The following SPAG17 variants were observed in gnomAD, a reference collection of about 807,000 sequenced individuals.
The protein encoded by SPAG17 is sperm-associated antigen 17.
SPAG17 carries 169 observed loss-of-function variants against 273.6 expected under a neutral mutation model. The ratio of observed to expected loss-of-function variants is 0.62; its 90% CI spans 0.55 to 0.70. SPAG17 has a LOEUF of 0.70. Ranked by LOEUF, SPAG17 falls within the 30% of genes least tolerant of loss-of-function variation. The probability of loss-of-function intolerance (pLI) is 0.00; values close to 1 mark genes in which losing one functional copy is unlikely to be tolerated. For synonymous variants in SPAG17, 825 were observed against 873.2 expected (o/e 0.94, Z 0.97); for missense variants, 2,557 against 2,627.8 (o/e 0.97, Z 0.59).
At chr1:118,160,624 C>A (rs1292758276) in intron 1 of SPAG17, among the ~76,000 whole-genome samples, 1 of 152,200 alleles carries the variant, frequency 6.6e-6, no homozygotes, top group Non-Finnish European at 1.5e-5. Flanking sequence ...TGGGGCATAT[C>A]CAGGGCTACT....
At chr1:118,087,284 T>C (rs1655069530) in intron 10 of SPAG17, 2 of 270,538 alleles carry the variant, frequency 7.4e-6, no homozygotes, top group East Asian at 1.4e-4. Context: ...AAATATTTCA[T>C]GAAGATTCTA....
intron 3 of SPAG17, among the ~76,000 whole-genome samples, chr1:118,138,913 C>A (rs1262126245): frequency 6.6e-6 from 1 of 152,046 alleles, no homozygotes; most frequent in Non-Finnish European, 1.5e-5. Context: ...TTCTTAGATA[C>A]CCCTCAGACA....
At chr1:118,089,981 C>G (rs531316312) in intron 10 of SPAG17, among the ~76,000 whole-genome samples, 1 of 152,150 alleles carries the variant, frequency 6.6e-6, no homozygotes, top group Non-Finnish European at 1.5e-5. Context: ...GCTTTCCCTT[C>G]TACTATGACT....
At chr1:118,097,071 C>T (rs955907657) in intron 7 of SPAG17, among the ~76,000 whole-genome samples, 1 of 151,968 alleles carries the variant, frequency 6.6e-6, no homozygotes, top group African/African-American at 2.4e-5. Context: ...CCCATCTCTA[C>T]TAAAAATACA....
chr1:118,180,705 A>G (rs551540455), intron 1 of SPAG17, among the ~76,000 whole-genome samples: 7 of 152,174 alleles, frequency 4.6e-5, no homozygotes, highest in Middle Eastern at 3.4e-3. Flanking sequence ...ATGTACCTCT[A>G]AAATGTGTAC....
At chr1:117,997,131 T>C (rs1254473146) in intron 32 of SPAG17, among the ~76,000 whole-genome samples, 2 of 152,136 alleles carry the variant, frequency 1.3e-5, no homozygotes, top group African/African-American at 4.8e-5. Flanking sequence ...GGGCTTATAA[T>C]CTGGGATGTC....
At chr1:117,963,728 AAG>A in intron 48 of SPAG17, 69 bp downstream of exon 48, 1 of 1,409,086 alleles carries the variant, frequency 7.1e-7, no homozygotes, top group Non-Finnish European at 9.7e-7. Flanking sequence ...AGAAGAGGGG[AAG>A]AAACCTGGGG....
chr1:117,988,228 T>G (rs776825651), intron 38 of SPAG17, 24 bp from the exon 39 acceptor site: 15 of 1,538,520 alleles, frequency 9.7e-6, no homozygotes, highest in Non-Finnish European at 8.8e-6. Flanking sequence ...TGTATTTAAC[T>G]TTTATCCCCA....
chr1:117,998,540 CTT>C (rs77739889), intron 32 of SPAG17, among the ~76,000 whole-genome samples: 1 of 151,850 alleles, frequency 6.6e-6, no homozygotes, highest in Non-Finnish European at 1.5e-5. Context: ...TATTTGGGCT[CTT>C]TTTTTGGTTC....
chr1:118,102,952 G>A (rs535892061), intron 4 of SPAG17, among the ~76,000 whole-genome samples: 38 of 152,312 alleles, frequency 2.5e-4, no homozygotes, highest in African/African-American at 8.7e-4. Flanking sequence ...TATGGCTCTA[G>A]TGGTGATGAA....
Position 117,981,318 on chromosome 1 carries a change from C to A in SPAG17, c.5956G>T (p.Asp1986Tyr). The A allele has an allele frequency of 1.2e-6, 2 of 1,600,870 alleles. No individual in the cohort carries two copies. The highest frequency in any genetic ancestry group is 1.8e-5 in the Admixed American group (1 of 55,436). The change falls in exon 43 of 49, where the codon GAT becomes TAT. Residue 1986 changes from aspartate to tyrosine, a missense_variant. Asp to Tyr is a radical substitution (Grantham distance 160). Coordinates refer to ENST00000336338, the MANE Select transcript of SPAG17 (RefSeq NM_206996.4). ...TCAGTTTGGTTCTGAGCAGTGAAAT[C>A]CTTCTTATCTGCAGAAATCTCTGGT... ...PKPEISADKK[D>Y]FTAQNQTENL...
chr1:118,093,135 A>AGACATT, intron 8 of SPAG17, 21 bp downstream of exon 8: 1 of 1,600,680 alleles, frequency 6.2e-7, no homozygotes, highest in East Asian at 2.2e-5. Context: ...ATCCCACTAA[A>AGACATT]GACATTGAGC....
At chr1:118,079,978 G>T (rs560923580) in intron 15 of SPAG17, among the ~76,000 whole-genome samples, 1 of 152,106 alleles carries the variant, frequency 6.6e-6, no homozygotes, top group Non-Finnish European at 1.5e-5. Flanking sequence ...TCACTAAGAC[G>T]CTATGGTATA....
intron 15 of SPAG17, among the ~76,000 whole-genome samples, chr1:118,079,879 T>G (rs1310744498): frequency 1.3e-5 from 2 of 152,020 alleles, no homozygotes; most frequent in African/African-American, 4.8e-5. Context: ...AAATTTGGTG[T>G]TGTTTAATAT....
chr1:117,984,617 T>A, intron 41 of SPAG17, 66 bp downstream of exon 41: 2 of 994,664 alleles, frequency 2.0e-6, no homozygotes, highest in Admixed American at 4.1e-5. Context: ...GATTACATAA[T>A]AACATATGCA....
intron 24 of SPAG17, chr1:118,036,535 A>C: frequency 4.3e-6 from 1 of 231,390 alleles, no homozygotes. Flanking sequence ...AAAATGTCAA[A>C]GCATTTTTAT....
intron 36 of SPAG17, among the ~76,000 whole-genome samples, 152 bp downstream of exon 36, chr1:117,992,313 AC>A (rs1458543852): frequency 4.6e-5 from 7 of 152,224 alleles, no homozygotes; most frequent in South Asian, 2.1e-4. Flanking sequence ...AATATTTTCT[AC>A]CTCTCAACCC....
chr1:118,179,427 A>G (rs114329110), intron 1 of SPAG17, among the ~76,000 whole-genome samples: 1 of 151,970 alleles, frequency 6.6e-6, no homozygotes, highest in African/African-American at 2.4e-5. Flanking sequence ...TCTCTCCATA[A>G]ACAAAAATCA....
At chr1:117,966,850 C>G in intron 46 of SPAG17, 97 bp from the exon 47 acceptor site, 1 of 1,075,760 alleles carries the variant, frequency 9.3e-7, no homozygotes, top group Non-Finnish European at 1.3e-6. Flanking sequence ...ACTCTCTTAC[C>G]TTTGGTTTCT....
Sources: gnomAD v4.1 joint callset for allele counts (sites outside exome capture counted in the v4.1 genomes callset) on GRCh38, gnomAD v4.1.1 for gene constraint, MANE v1.5 for transcripts, NCBI Gene and HGNC (gene_info 2026-07-23, HGNC 2026-07-21) for gene names.